CHCHD6: variants seen among roughly 807,000 people sequenced by gnomAD.
CHCHD6 encodes coiled-coil-helix-coiled-coil-helix domain containing 6.
A neutral mutation model predicts 32.3 loss-of-function variants in CHCHD6; 28 were observed. The ratio of observed to expected loss-of-function variants is 0.87; its 90% CI spans 0.64 to 1.19. The LOEUF (loss-of-function observed/expected upper bound fraction) is 1.19. CHCHD6 is among the 50% of genes most tolerant of loss of function. The pLI, the probability that CHCHD6 is intolerant of heterozygous loss-of-function variation, is 0.00. For synonymous variants in CHCHD6, 122 were observed against 117.5 expected (o/e 1.04, Z -0.25); for missense variants, 333 against 307.0 (o/e 1.08, Z -0.63).
At chr3:126,911,816 C>T (rs546604309) in intron 5 of CHCHD6, among the ~76,000 whole-genome samples, 1 of 152,358 alleles carries the variant, frequency 6.6e-6, no homozygotes, top group Non-Finnish European at 1.5e-5. Flanking sequence ...CCGGGCCCAT[C>T]TGGGCCAAGG....
intron 5 of CHCHD6, among the ~76,000 whole-genome samples, chr3:126,869,054 G>C (rs935680731): frequency 6.6e-6 from 1 of 152,158 alleles, no homozygotes; most frequent in Non-Finnish European, 1.5e-5. Flanking sequence ...TTCTAAAAAA[G>C]TTAAAAAACA....
At chr3:126,811,077 A>T (rs1939634971) in intron 4 of CHCHD6, among the ~76,000 whole-genome samples, 1 of 152,208 alleles carries the variant, frequency 6.6e-6, no homozygotes, top group African/African-American at 2.4e-5. Flanking sequence ...AGCTCTAATG[A>T]ATACCAAAAA....
At chr3:126,955,440 A>G (rs375561872) in intron 6 of CHCHD6, among the ~76,000 whole-genome samples, 3 of 152,254 alleles carry the variant, frequency 2.0e-5, no homozygotes, top group African/African-American at 4.8e-5. Context: ...GGTGCATGCA[A>G]TGCAGACTTG....
intron 4 of CHCHD6, among the ~76,000 whole-genome samples, chr3:126,778,926 A>AT (rs71150453): frequency 0.039 from 5,201 of 133,140 alleles, 124 homozygotes; most frequent in African/African-American, 0.069. Context: ...GGCTCATTAA[A>AT]TTTTTTTTTT....
At chr3:126,769,807 A>G (rs1937512059) in intron 4 of CHCHD6, among the ~76,000 whole-genome samples, 1 of 152,152 alleles carries the variant, frequency 6.6e-6, no homozygotes, top group South Asian at 2.1e-4. Flanking sequence ...TACCTGGCCC[A>G]GGCTCTTTTT....
intron 5 of CHCHD6, among the ~76,000 whole-genome samples, chr3:126,876,483 A>G (rs570626302): frequency 6.6e-6 from 1 of 152,314 alleles, no homozygotes; most frequent in East Asian, 1.9e-4. Context: ...CATTCTTGGT[A>G]TTTGTATTTT....
At chr3:126,904,500 T>G (rs2077977634) in intron 5 of CHCHD6, among the ~76,000 whole-genome samples, 1 of 152,254 alleles carries the variant, frequency 6.6e-6, no homozygotes. Flanking sequence ...CGGCTATTGC[T>G]AATTAACACA....
chr3:126,865,819 T>C, intron 5 of CHCHD6: 1 of 865,656 alleles, frequency 1.2e-6, no homozygotes, highest in Non-Finnish European at 1.4e-6. Flanking sequence ...CTCACACTAA[T>C]CTCTGAGGTA....
chr3:126,727,264 A>G (rs1346534175), intron 2 of CHCHD6, 78 bp downstream of exon 2: 13 of 1,013,066 alleles, frequency 1.3e-5, no homozygotes, highest in Admixed American at 3.8e-5. Context: ...AGCCCACCTG[A>G]TGGCGCACAG....
chr3:126,842,251 G>T (rs1289110400), intron 4 of CHCHD6, among the ~76,000 whole-genome samples: 2 of 152,226 alleles, frequency 1.3e-5, no homozygotes, highest in Non-Finnish European at 1.5e-5. Context: ...TTAAAAAAAA[G>T]AACTGTTTAA....
chr3:126,755,842 G>GTC (rs1404458377), intron 4 of CHCHD6, among the ~76,000 whole-genome samples: 1 of 150,546 alleles, frequency 6.6e-6, no homozygotes, highest in Non-Finnish European at 1.5e-5. Context: ...GTGTGCATGT[G>GTC]TGTGTGTGTG....
chr3:126,765,378 G>T (rs542641940), intron 4 of CHCHD6, among the ~76,000 whole-genome samples: 1 of 152,138 alleles, frequency 6.6e-6, no homozygotes, highest in Non-Finnish European at 1.5e-5. Flanking sequence ...CAGCGAGCTC[G>T]GGCACAGGCA....
chr3:126,939,234 G>A (rs1044235716), intron 6 of CHCHD6, among the ~76,000 whole-genome samples: 5 of 152,130 alleles, frequency 3.3e-5, no homozygotes, highest in African/African-American at 9.7e-5. Context: ...GGTTTTGAGT[G>A]CCAGGGGTTT....
intron 6 of CHCHD6, among the ~76,000 whole-genome samples, chr3:126,922,313 A>AT (rs1164453735): frequency 6.6e-6 from 1 of 152,208 alleles, no homozygotes; most frequent in Admixed American, 6.5e-5. Flanking sequence ...AATGAAGGCA[A>AT]GTTCATTGAC....
At chr3:126,708,516 T>A (rs1934606077) in intron 1 of CHCHD6, among the ~76,000 whole-genome samples, 1 of 152,066 alleles carries the variant, frequency 6.6e-6, no homozygotes, top group African/African-American at 2.4e-5. Context: ...TGATTTTTCT[T>A]TAAAAACAAA....
intron 1 of CHCHD6, among the ~76,000 whole-genome samples, chr3:126,716,099 C>G (rs1576329679): frequency 6.6e-6 from 1 of 152,126 alleles, no homozygotes; most frequent in Non-Finnish European, 1.5e-5. Flanking sequence ...CCTGCTTTGC[C>G]AGACCTTCCT....
intron 5 of CHCHD6, among the ~76,000 whole-genome samples, chr3:126,865,054 C>A (rs1942220533): frequency 6.9e-6 from 1 of 145,980 alleles, no homozygotes; most frequent in South Asian, 2.2e-4. Context: ...ATCACTACCT[C>A]CTCCTCCTCC....
chr3:126,707,504 C>T (rs1450849084), intron 1 of CHCHD6, among the ~76,000 whole-genome samples: 1 of 152,182 alleles, frequency 6.6e-6, no homozygotes, highest in African/African-American at 2.4e-5. Context: ...ACATGGCAGT[C>T]ATGGCGCATA....
chr3:126,752,873 TG>T (rs1936785939), intron 4 of CHCHD6, among the ~76,000 whole-genome samples: 1 of 152,084 alleles, frequency 6.6e-6, no homozygotes, highest in Admixed American at 6.6e-5. Context: ...GGAGAAATAT[TG>T]GGGTTTTATG....
Sources: gnomAD v4.1 joint callset for allele counts (sites outside exome capture counted in the v4.1 genomes callset) on GRCh38, gnomAD v4.1.1 for gene constraint, MANE v1.5 for transcripts, NCBI Gene and HGNC (gene_info 2026-07-23, HGNC 2026-07-21) for gene names.